KCNIP4: variants seen among roughly 807,000 people sequenced by gnomAD.
KCNIP4 encodes the protein Kv channel-interacting protein 4.
KCNIP4 carries 12 observed loss-of-function variants against 34.0 expected under a neutral mutation model. That is an observed-to-expected ratio of 0.35 (90% confidence interval 0.23 to 0.57). The LOEUF is 0.57. KCNIP4 is among the 20% of genes least tolerant of loss of function. KCNIP4 has a pLI of 0.83. For missense variants in KCNIP4, 238 were observed against 311.7 expected, an observed-to-expected ratio of 0.76 and a Z score of 1.78; for synonymous variants, 124 against 102.2, an observed-to-expected ratio of 1.21 and a Z score of -1.29.
chr4:20,953,270 G>A (rs913999290), intron 1 of KCNIP4, among the ~76,000 whole-genome samples: 13 of 152,116 alleles, frequency 8.5e-5, no homozygotes, highest in South Asian at 2.1e-4. Context: ...GAGTGGCTTC[G>A]TCACTGATTG....
chr4:20,995,878 G>A (rs1276949990), intron 1 of KCNIP4, among the ~76,000 whole-genome samples: 12 of 152,188 alleles, frequency 7.9e-5, no homozygotes, highest in African/African-American at 2.9e-4. Flanking sequence ...GAAGAAAAGG[G>A]AAGGAATGCA....
At chr4:20,814,303 C>T (rs965795792) in intron 3 of KCNIP4, among the ~76,000 whole-genome samples, 3 of 152,262 alleles carry the variant, frequency 2.0e-5, no homozygotes, top group East Asian at 1.9e-4. Flanking sequence ...GGCAGAGAAT[C>T]GCTGTTTCAC....
chr4:21,439,602 G>A (rs956815093), intron 1 of KCNIP4, among the ~76,000 whole-genome samples: 1 of 152,208 alleles, frequency 6.6e-6, no homozygotes, highest in Non-Finnish European at 1.5e-5. Context: ...ACAGGAGTCT[G>A]CTAATGGCTG....
intron 1 of KCNIP4, among the ~76,000 whole-genome samples, chr4:21,270,200 A>G (rs908613729): frequency 6.6e-6 from 1 of 152,116 alleles, no homozygotes; most frequent in Non-Finnish European, 1.5e-5. Flanking sequence ...CTAGTCATGG[A>G]CTCTGTTGGT....
intron 1 of KCNIP4, among the ~76,000 whole-genome samples, chr4:21,190,521 A>C (rs1176127471): frequency 8.8e-6 from 1 of 113,700 alleles, no homozygotes; most frequent in Non-Finnish European, 1.8e-5. Context: ...GGGGGCACTG[A>C]GGGTGGGAGG....
chr4:21,056,115 C>T (rs956758971), intron 1 of KCNIP4, among the ~76,000 whole-genome samples: 2 of 152,074 alleles, frequency 1.3e-5, no homozygotes, highest in African/African-American at 4.8e-5. Context: ...CTAAAAAAGT[C>T]TTTCTTAAAA....
intron 1 of KCNIP4, among the ~76,000 whole-genome samples, chr4:21,315,655 TAGTACA>T (rs1163757899): frequency 6.6e-6 from 1 of 152,132 alleles, no homozygotes; most frequent in Non-Finnish European, 1.5e-5. Context: ...TTGACATAAT[TAGTACA>T]AGGTGGGTGT....
At chr4:21,709,722 T>C (rs1369395972) in intron 1 of KCNIP4, among the ~76,000 whole-genome samples, 1 of 152,222 alleles carries the variant, frequency 6.6e-6, no homozygotes, top group Non-Finnish European at 1.5e-5. Flanking sequence ...TTGTGACTTA[T>C]GTAAACACCT....
chr4:20,807,014 T>C (rs1403047383), intron 3 of KCNIP4, among the ~76,000 whole-genome samples: 2 of 152,146 alleles, frequency 1.3e-5, no homozygotes, highest in Non-Finnish European at 1.5e-5. Context: ...TGAATATAGA[T>C]GAGAATTCTG....
At chr4:21,225,146 C>T (rs1193453903) in intron 1 of KCNIP4, among the ~76,000 whole-genome samples, 1 of 152,052 alleles carries the variant, frequency 6.6e-6, no homozygotes, top group East Asian at 1.9e-4. Context: ...TTTTTTGGGG[C>T]ATAACCCTAT....
At chr4:21,702,958 CA>C (rs1440435544) in intron 1 of KCNIP4, among the ~76,000 whole-genome samples, 1 of 147,428 alleles carries the variant, frequency 6.8e-6, no homozygotes, top group African/African-American at 2.6e-5. Context: ...TTTAAAAAAT[CA>C]AAGTAGTACA....
chr4:20,746,172 A>G (rs751750783), intron 5 of KCNIP4, among the ~76,000 whole-genome samples: 2 of 152,218 alleles, frequency 1.3e-5, no homozygotes, highest in Non-Finnish European at 2.9e-5. Context: ...CGTGGCACAT[A>G]TACACCATGG....
At position 21,090,124 on chromosome 4, in the gene KCNIP4, G is replaced by A. The variant is rs576239046; in HGVS notation, c.62-207415C>T. ...GTAGCCCCTCTCCCCTGCCCATGCC[G>A]TTAGAATTTTTCACACGTATAGCCT... On this transcript the variant is annotated intron_variant, in intron 1 of 8. Transcript: ENST00000382152. 6.6e-5 allele frequency among the ~76,000 whole-genome samples: 10 copies of A among 152,196 alleles called. No individual in the cohort carries two copies. In the East Asian group the frequency reaches 1.4e-3, roughly 21 times the overall value.
intron 1 of KCNIP4, among the ~76,000 whole-genome samples, chr4:21,504,475 A>AAAAAAAAG (rs1264431211): frequency 9.8e-6 from 1 of 101,852 alleles, no homozygotes; most frequent in Non-Finnish European, 2.0e-5. Context: ...CAAAAAAAAA[A>AAAAAAAAG]AAAGAAAGAA....
At chr4:21,062,530 A>ACGTGTG (rs1744012616) in intron 1 of KCNIP4, among the ~76,000 whole-genome samples, 1 of 149,202 alleles carries the variant, frequency 6.7e-6, no homozygotes, top group East Asian at 2.0e-4. Context: ...GTGTGTGTGC[A>ACGTGTG]TGTGTGTGTG....
chr4:21,617,986 A>G (rs1387148350), intron 1 of KCNIP4, among the ~76,000 whole-genome samples: 5 of 152,230 alleles, frequency 3.3e-5, no homozygotes, highest in Admixed American at 2.0e-4. Context: ...AAGCTAAAAT[A>G]TAAGTGACAG....
At chr4:21,036,100 A>G (rs1741419888) in intron 1 of KCNIP4, among the ~76,000 whole-genome samples, 1 of 152,158 alleles carries the variant, frequency 6.6e-6, no homozygotes, top group Non-Finnish European at 1.5e-5. Flanking sequence ...TTCTCCTGGG[A>G]ACACTTTCTC....
At chr4:21,181,387 A>G (rs922333975) in intron 1 of KCNIP4, among the ~76,000 whole-genome samples, 1 of 152,110 alleles carries the variant, frequency 6.6e-6, no homozygotes. Context: ...ATTCTCAGTG[A>G]TATTTTAGCT....
At chr4:21,170,688 T>C (rs897859656) in intron 1 of KCNIP4, among the ~76,000 whole-genome samples, 24 of 152,182 alleles carry the variant, frequency 1.6e-4, no homozygotes, top group Admixed American at 1.6e-3. Context: ...TATTTTAAGA[T>C]GAATTGCTGG....
Sources: allele counts gnomAD v4.1 joint callset (sites outside exome capture counted in the v4.1 genomes callset), GRCh38; gene constraint gnomAD v4.1.1; transcripts MANE v1.5; gene names NCBI Gene and HGNC (gene_info 2026-07-23, HGNC 2026-07-21).